The following MYO16 variants were observed in gnomAD, a reference collection of about 807,000 sequenced individuals.
MYO16 encodes myosin XVI.
MYO16 carries 94 observed loss-of-function variants against 205.3 expected under a neutral mutation model. That is an observed-to-expected ratio of 0.46 (90% CI 0.39 to 0.54). The LOEUF (loss-of-function observed/expected upper bound fraction) is 0.54. Ranked by LOEUF, MYO16 falls within the 20% of genes least tolerant of loss-of-function variation. The pLI, the probability that MYO16 is intolerant of heterozygous loss-of-function variation, is 0.00. For missense variants in MYO16, 2,315 were observed against 2,387.5 expected (o/e 0.97, Z 0.63); for synonymous variants, 988 against 954.0 (o/e 1.04, Z -0.66).
Position 108,719,127 on chromosome 13 carries a change from T to C in MYO16, c.363+6396T>C, listed in dbSNP as rs78125512. On this transcript the variant is annotated intron_variant, in intron 3 of 34. Coordinates refer to ENST00000457511, the MANE Select transcript of MYO16 (RefSeq NM_001198950.3). ...TCTTTGTAATAAGGACCCCAAATTA[T>C]TAAGAATCAGAACTCTTTCCTGACA... Among the ~76,000 whole-genome samples, 468 of 152,240 alleles carry C rather than the reference T, an allele frequency of 3.1e-3. 3 individuals are homozygous for C. Among genetic ancestry groups the C allele is most frequent in the African/African-American group, 0.011 (444 of 41,542 alleles).
At chr13:109,204,164 A>G (rs931908111) in intron 34 of MYO16, among the ~76,000 whole-genome samples, 1 of 152,232 alleles carries the variant, frequency 6.6e-6, no homozygotes, top group Non-Finnish European at 1.5e-5. Flanking sequence ...AACAGGAACA[A>G]TAACATGCTA....
intron 16 of MYO16, among the ~76,000 whole-genome samples, chr13:108,914,765 C>G (rs1330704030): frequency 6.6e-6 from 1 of 152,118 alleles, no homozygotes; most frequent in Non-Finnish European, 1.5e-5. Flanking sequence ...GTATCGGCCT[C>G]CTGAATAGCT....
intron 4 of MYO16, among the ~76,000 whole-genome samples, chr13:108,771,658 G>A (rs1046772197): frequency 2.0e-5 from 3 of 151,634 alleles, no homozygotes; most frequent in Non-Finnish European, 2.9e-5. Flanking sequence ...ATCACCACCC[G>A]ACCCATCTCC....
intron 34 of MYO16, among the ~76,000 whole-genome samples, chr13:109,195,629 G>C (rs1445563511): frequency 6.6e-6 from 1 of 152,106 alleles, no homozygotes; most frequent in East Asian, 1.9e-4. Context: ...TCACTATTCA[G>C]TCAGCCAAGA....
At chr13:108,614,910 G>T (rs1879298493) in intron 1 of MYO16, among the ~76,000 whole-genome samples, 1 of 117,940 alleles carries the variant, frequency 8.5e-6, no homozygotes, top group Non-Finnish European at 1.9e-5. Context: ...TTAGGCAATG[G>T]TTTCTTAGAT....
intron 20 of MYO16, among the ~76,000 whole-genome samples, chr13:108,966,474 A>G (rs1883797191): frequency 6.6e-6 from 1 of 152,228 alleles, no homozygotes; most frequent in South Asian, 2.1e-4. Context: ...CTACAAACAC[A>G]CACCCAGAGA....
chr13:108,740,555 TC>T (rs1258767339), intron 4 of MYO16, among the ~76,000 whole-genome samples: 1 of 152,154 alleles, frequency 6.6e-6, no homozygotes, highest in Non-Finnish European at 1.5e-5. Context: ...ACTGAGGGGT[TC>T]CTCCCAGTTA....
the MYO16 span, among the ~76,000 whole-genome samples, chr13:108,500,427 A>AT: frequency 6.6e-6 from 1 of 150,748 alleles, no homozygotes; most frequent in Non-Finnish European, 1.5e-5. Context: ...ATGGGGTTTC[A>AT]CTGTGTGGGC....
chr13:108,847,907 C>T (rs1285679598), intron 10 of MYO16, among the ~76,000 whole-genome samples: 1 of 152,042 alleles, frequency 6.6e-6, no homozygotes, highest in Non-Finnish European at 1.5e-5. Context: ...TTTCTCCCTT[C>T]AGACATTTTT....
intron 4 of MYO16, among the ~76,000 whole-genome samples, chr13:108,740,438 C>T (rs1458923900): frequency 6.6e-6 from 1 of 152,076 alleles, no homozygotes; most frequent in Admixed American, 6.5e-5. Context: ...CAGTGGAGGC[C>T]GCAGAACAGT....
chr13:109,057,796 C>T (rs537191140), intron 27 of MYO16, among the ~76,000 whole-genome samples: 4 of 152,158 alleles, frequency 2.6e-5, no homozygotes, highest in African/African-American at 9.6e-5. Context: ...GAATCAGTAT[C>T]AACAGGGAGT....
chr13:109,050,859 T>C (rs1887224528), intron 24 of MYO16, among the ~76,000 whole-genome samples: 1 of 151,638 alleles, frequency 6.6e-6, no homozygotes, highest in African/African-American at 2.4e-5. Flanking sequence ...TGACATAGTC[T>C]CTTGACTTTT....
chr13:108,704,393 A>G (rs2139527321), intron 2 of MYO16, among the ~76,000 whole-genome samples: 1 of 152,306 alleles, frequency 6.6e-6, no homozygotes, highest in East Asian at 1.9e-4. Context: ...GCTGGGAATG[A>G]TGGTTTCCAT....
chr13:108,559,910 C>T, the MYO16 span, among the ~76,000 whole-genome samples: 1 of 152,124 alleles, frequency 6.6e-6, no homozygotes, highest in Non-Finnish European at 1.5e-5. Flanking sequence ...TTTTAGACAA[C>T]TTCCCTGTAT....
chr13:108,766,493 A>G (rs1885781277), intron 4 of MYO16, among the ~76,000 whole-genome samples: 1 of 152,174 alleles, frequency 6.6e-6, no homozygotes, highest in African/African-American at 2.4e-5. Context: ...AGGTTTAAGC[A>G]TTTCTTTACC....
chr13:108,842,374 G>T (rs989811631), intron 9 of MYO16, among the ~76,000 whole-genome samples: 1 of 151,858 alleles, frequency 6.6e-6, no homozygotes, highest in Non-Finnish European at 1.5e-5. Flanking sequence ...ATGATAAGGG[G>T]TAAATATCTA....
At chr13:109,049,562 A>T (rs1319021983) in intron 24 of MYO16, among the ~76,000 whole-genome samples, 1 of 142,778 alleles carries the variant, frequency 7.0e-6, no homozygotes, top group Non-Finnish European at 1.5e-5. Flanking sequence ...CAGTTTTTTA[A>T]ATCTTTTATT....
At chr13:108,822,481 G>A (rs927992780) in intron 8 of MYO16, among the ~76,000 whole-genome samples, 1 of 152,066 alleles carries the variant, frequency 6.6e-6, no homozygotes, top group Non-Finnish European at 1.5e-5. Context: ...CTCATGATCT[G>A]TATCAATTTC....
intron 27 of MYO16, among the ~76,000 whole-genome samples, chr13:109,097,829 G>A (rs1443594156): frequency 6.6e-6 from 1 of 152,184 alleles, no homozygotes. Flanking sequence ...TGAGAAGAAA[G>A]GGTGGTTGCT....
Sources: allele counts gnomAD v4.1 joint callset (sites outside exome capture counted in the v4.1 genomes callset), GRCh38; gene constraint gnomAD v4.1.1; transcripts MANE v1.5; gene names NCBI Gene and HGNC (gene_info 2026-07-23, HGNC 2026-07-21).